ZNF385D: variants seen among roughly 807,000 people sequenced by gnomAD.
The protein encoded by ZNF385D is zinc finger protein 385D.
ZNF385D carries 15 observed loss-of-function variants against 35.8 expected under a neutral mutation model. That is an observed-to-expected ratio of 0.42 (90% CI 0.28 to 0.64). The LOEUF is 0.64. Among genes scored for constraint, ZNF385D ranks in the 30% least tolerant of loss-of-function variants. The pLI, the probability that ZNF385D is intolerant of heterozygous loss-of-function variation, is 0.23. For synonymous variants in ZNF385D, 212 were observed against 186.8 expected (o/e 1.13, Z -1.10); for missense variants, 474 against 494.6 (o/e 0.96, Z 0.39).
intron 3 of ZNF385D, among the ~76,000 whole-genome samples, chr3:22,036,052 G>A (rs989741356): frequency 6.6e-6 from 1 of 152,112 alleles, no homozygotes; most frequent in Non-Finnish European, 1.5e-5. Flanking sequence ...AAGAAGACAA[G>A]GGTATCCTGG....
intron 3 of ZNF385D, among the ~76,000 whole-genome samples, chr3:21,809,661 T>TAC (rs1553672101): frequency 0.14 from 20,530 of 148,126 alleles, 1,808 homozygotes; most frequent in Non-Finnish European, 0.19. Context: ...CATATACATA[T>TAC]ATACACATAT....
chr3:21,825,481 T>TA (rs147207080), intron 3 of ZNF385D, among the ~76,000 whole-genome samples: 12,168 of 148,394 alleles, frequency 0.082, 628 homozygotes, highest in South Asian at 0.13. Flanking sequence ...TGTTTGCAAA[T>TA]AAAAAAAAAA....
intron 2 of ZNF385D, among the ~76,000 whole-genome samples, chr3:22,279,552 ATACATATG>A (rs1230430956): frequency 6.2e-4 from 89 of 142,938 alleles, no homozygotes; most frequent in African/African-American, 2.3e-3. Context: ...GTATATACAT[ATACATATG>A]TACATATATA....
At chr3:21,681,849 A>G (rs2066922031) in intron 1 of ZNF385D, among the ~76,000 whole-genome samples, 1 of 152,050 alleles carries the variant, frequency 6.6e-6, no homozygotes, top group East Asian at 1.9e-4. Context: ...TCATTGATTT[A>G]CTGATCCATT....
intron 1 of ZNF385D, among the ~76,000 whole-genome samples, chr3:21,686,935 A>G (rs1408626177): frequency 6.6e-6 from 1 of 152,130 alleles, no homozygotes; most frequent in Non-Finnish European, 1.5e-5. Flanking sequence ...CCTGAAAGGG[A>G]GCCTATTTTC....
intron 3 of ZNF385D, among the ~76,000 whole-genome samples, chr3:22,021,212 A>T (rs1380876034): frequency 1.3e-5 from 2 of 151,976 alleles, no homozygotes; most frequent in Non-Finnish European, 2.9e-5. Context: ...CACAATCGAT[A>T]CATGAAACAA....
chr3:22,206,267 C>T (rs545769985), intron 2 of ZNF385D, among the ~76,000 whole-genome samples: 2 of 151,792 alleles, frequency 1.3e-5, no homozygotes, highest in African/African-American at 4.8e-5. Context: ...CACTGGAACA[C>T]CCAGATATAT....
chr3:21,609,568 C>A (rs767694767), intron 2 of ZNF385D, among the ~76,000 whole-genome samples: 1 of 152,160 alleles, frequency 6.6e-6, no homozygotes, highest in Non-Finnish European at 1.5e-5. Flanking sequence ...CATCATCTTT[C>A]TAAGAATAGG....
intron 1 of ZNF385D, among the ~76,000 whole-genome samples, chr3:21,702,026 C>T (rs370149740): frequency 2.6e-4 from 40 of 152,196 alleles, no homozygotes; most frequent in South Asian, 1.0e-3. Flanking sequence ...ATGCCATTCT[C>T]GGATCTGGAG....
intron 2 of ZNF385D, among the ~76,000 whole-genome samples, chr3:21,647,890 GAAAAATGGTATAAACGTC>G (rs2065801179): frequency 6.6e-6 from 1 of 151,988 alleles, no homozygotes; most frequent in Non-Finnish European, 1.5e-5. Flanking sequence ...ATGTTACTAA[GAAAAATGGTATAAACGTC>G]AACCGATTAA....
chr3:22,224,480 A>G (rs757783993), intron 2 of ZNF385D, among the ~76,000 whole-genome samples: 18 of 152,182 alleles, frequency 1.2e-4, no homozygotes, highest in Non-Finnish European at 1.2e-4. Context: ...TGGTTTTACT[A>G]CTGCTCAGCC....
At chr3:22,106,313 G>A (rs79152006) in intron 3 of ZNF385D, among the ~76,000 whole-genome samples, 2,062 of 152,164 alleles carry the variant, frequency 0.014, 36 homozygotes, top group African/African-American at 0.046. Context: ...GATGAAGTAA[G>A]GACAATTACT....
chr3:22,198,346 G>C (rs1391879774), intron 2 of ZNF385D, among the ~76,000 whole-genome samples: 3 of 152,000 alleles, frequency 2.0e-5, no homozygotes, highest in African/African-American at 7.2e-5. Context: ...AACATATTAG[G>C]ATTGACTTGT....
chr3:22,048,428 G>T (rs1699140001), intron 3 of ZNF385D, among the ~76,000 whole-genome samples: 1 of 152,126 alleles, frequency 6.6e-6, no homozygotes, highest in Non-Finnish European at 1.5e-5. Context: ...TCAATGGGGT[G>T]CAAGATAAGG....
intron 3 of ZNF385D, among the ~76,000 whole-genome samples, chr3:22,076,884 T>A (rs572082091): frequency 6.6e-6 from 1 of 151,918 alleles, no homozygotes; most frequent in Non-Finnish European, 1.5e-5. Context: ...TGTAAGTAAT[T>A]ACAGAAAAAC....
intron 2 of ZNF385D, among the ~76,000 whole-genome samples, chr3:22,318,281 A>G (rs575291377): frequency 6.6e-6 from 1 of 152,312 alleles, no homozygotes; most frequent in South Asian, 2.1e-4. Flanking sequence ...AGAATGAAAT[A>G]AAATTATTTA....
At chr3:22,315,254 C>G (rs1027386857) in intron 2 of ZNF385D, among the ~76,000 whole-genome samples, 6 of 152,126 alleles carry the variant, frequency 3.9e-5, no homozygotes, top group African/African-American at 1.4e-4. Flanking sequence ...ACAAGTCAGA[C>G]TAGGTGAATG....
chr3:22,307,742 G>GT (rs1213288645), intron 2 of ZNF385D, among the ~76,000 whole-genome samples: 1,064 of 100,798 alleles, frequency 0.011, 13 homozygotes, highest in African/African-American at 0.031. Flanking sequence ...TATTGCCTCT[G>GT]TTTTAAAAAA....
chr3:21,476,877 T>A (rs1037233717), intron 4 of ZNF385D, among the ~76,000 whole-genome samples: 1 of 152,122 alleles, frequency 6.6e-6, no homozygotes, highest in East Asian at 1.9e-4. Context: ...TACTCCTGCA[T>A]GCAGAGAGTC....
Sources: gnomAD v4.1 joint callset for allele counts (sites outside exome capture counted in the v4.1 genomes callset) on GRCh38, gnomAD v4.1.1 for gene constraint, MANE v1.5 for transcripts, NCBI Gene and HGNC (gene_info 2026-07-23, HGNC 2026-07-21) for gene names.